The following MAF variants were observed in gnomAD, a reference collection of about 807,000 sequenced individuals.
The protein encoded by MAF is MAF bZIP transcription factor, also known as transcription factor Maf.
A neutral mutation model predicts 22.0 loss-of-function variants in MAF; 10 were observed. The observed-to-expected ratio is 0.45, with a 90% confidence interval of 0.28 to 0.77. The LOEUF (loss-of-function observed/expected upper bound fraction) is 0.77. Among genes scored for constraint, MAF ranks in the 30% least tolerant of loss-of-function variants. The pLI, the probability that MAF is intolerant of heterozygous loss-of-function variation, is 0.12. For synonymous variants in MAF, 337 were observed against 255.8 expected (o/e 1.32, Z -3.03); for missense variants, 544 against 548.4 (o/e 0.99, Z 0.08).
chr16:79,494,549 G>C, the MAF span, among the ~76,000 whole-genome samples: 1 of 152,096 alleles, frequency 6.6e-6, no homozygotes, highest in Non-Finnish European at 1.5e-5. Flanking sequence ...AGAGAATCCA[G>C]GATAATCTCC....
the MAF span, among the ~76,000 whole-genome samples, chr16:79,462,867 G>A: frequency 1.4e-4 from 21 of 152,280 alleles, no homozygotes; most frequent in African/African-American, 4.6e-4. Flanking sequence ...GTATTTTTAC[G>A]GGGGAAATAG....
chr16:79,505,818 T>C, the MAF span: 2 of 152,098 alleles, frequency 1.3e-5, no homozygotes, highest in African/African-American at 4.8e-5. Context: ...GGGATAAAAA[T>C]GCACTCATGA....
At chr16:79,327,220 A>C in the MAF span, among the ~76,000 whole-genome samples, 2 of 152,188 alleles carry the variant, frequency 1.3e-5, no homozygotes, top group African/African-American at 2.4e-5. Flanking sequence ...GAAAACAGGG[A>C]GACCAGTTCG....
At chr16:79,435,536 A>G in the MAF span, among the ~76,000 whole-genome samples, 1 of 152,198 alleles carries the variant, frequency 6.6e-6, no homozygotes, top group East Asian at 1.9e-4. Context: ...CAACCAGGCC[A>G]TGAGGTAGAT....
chr16:79,438,322 G>A, the MAF span, among the ~76,000 whole-genome samples: 3 of 152,196 alleles, frequency 2.0e-5, no homozygotes, highest in Non-Finnish European at 4.4e-5. Context: ...CCCGTTTGGA[G>A]GTAGAGCAGT....
At chr16:79,286,615 A>G in the MAF span, among the ~76,000 whole-genome samples, 110,388 of 152,156 alleles carry the variant, frequency 0.73, 40,684 homozygotes, top group Admixed American at 0.78. Flanking sequence ...AGGCAAAGAC[A>G]CATCTATTGA....
chr16:79,490,453 G>C, the MAF span, among the ~76,000 whole-genome samples: 3 of 152,328 alleles, frequency 2.0e-5, no homozygotes, highest in Non-Finnish European at 4.4e-5. Context: ...AGCTTTAAGA[G>C]TCTCTGGTTT....
chr16:79,314,106 G>A, the MAF span, among the ~76,000 whole-genome samples: 1 of 152,176 alleles, frequency 6.6e-6, no homozygotes, highest in East Asian at 1.9e-4. Flanking sequence ...GCACCTTCAT[G>A]CTGATGTGAT....
At chr16:79,222,727 A>C in the MAF span, among the ~76,000 whole-genome samples, 8 of 152,316 alleles carry the variant, frequency 5.3e-5, no homozygotes, top group African/African-American at 1.4e-4. Flanking sequence ...TTGCAATCCT[A>C]GTCTCTGATA....
the MAF span, among the ~76,000 whole-genome samples, chr16:79,232,755 G>C: frequency 6.6e-6 from 1 of 151,758 alleles, no homozygotes; most frequent in Non-Finnish European, 1.5e-5. Flanking sequence ...GGATTTGATA[G>C]GATTAGATAA....
chr16:79,543,742 A>G, the MAF span, among the ~76,000 whole-genome samples: 1 of 139,914 alleles, frequency 7.1e-6, no homozygotes, highest in Non-Finnish European at 1.5e-5. Context: ...GCTGGAGTGC[A>G]GTGGTGCAAT....
At chr16:79,374,492 C>T in the MAF span, among the ~76,000 whole-genome samples, 2 of 152,336 alleles carry the variant, frequency 1.3e-5, no homozygotes, top group African/African-American at 2.4e-5. Flanking sequence ...CTTCATCTTA[C>T]TTACTTCTTG....
At chr16:79,456,676 G>A in the MAF span, among the ~76,000 whole-genome samples, 3 of 152,180 alleles carry the variant, frequency 2.0e-5, no homozygotes, top group African/African-American at 4.8e-5. Context: ...AGCTGAGCAA[G>A]TGTCTTCTGC....
chr16:79,548,115 C>G, the MAF span, among the ~76,000 whole-genome samples: 7 of 152,128 alleles, frequency 4.6e-5, no homozygotes, highest in Admixed American at 3.3e-4. Context: ...CTGTCACTTT[C>G]TTTCCAAATT....
the MAF span, among the ~76,000 whole-genome samples, chr16:79,470,329 A>T: frequency 6.6e-6 from 1 of 152,084 alleles, no homozygotes; most frequent in South Asian, 2.1e-4. Flanking sequence ...AAGTTAGGGG[A>T]TGGGTCCAGG....
At chr16:79,357,882 T>C in the MAF span, among the ~76,000 whole-genome samples, 1 of 152,232 alleles carries the variant, frequency 6.6e-6, no homozygotes, top group Non-Finnish European at 1.5e-5. Flanking sequence ...ATGGGTCTGC[T>C]GACCTTGAAG....
the MAF span, among the ~76,000 whole-genome samples, chr16:79,503,304 C>T: frequency 6.6e-6 from 1 of 152,012 alleles, no homozygotes; most frequent in Non-Finnish European, 1.5e-5. Context: ...TAGTTAAATC[C>T]CTTGATATAC....
chr16:79,342,752 T>G, the MAF span, among the ~76,000 whole-genome samples: 2 of 152,236 alleles, frequency 1.3e-5, no homozygotes, highest in East Asian at 3.9e-4. Flanking sequence ...TTCTGTGAGG[T>G]GGGTCACGTT....
At chr16:79,399,939 G>A in the MAF span, among the ~76,000 whole-genome samples, 1 of 152,170 alleles carries the variant, frequency 6.6e-6, no homozygotes, top group African/African-American at 2.4e-5. Context: ...GTTAGTACCT[G>A]CCCAAATGTA....
Sources: allele counts gnomAD v4.1 joint callset (sites outside exome capture counted in the v4.1 genomes callset), GRCh38; gene constraint gnomAD v4.1.1; transcripts MANE v1.5; gene names NCBI Gene and HGNC (gene_info 2026-07-23, HGNC 2026-07-21).